Variants in EXOC1 observed in about 807,000 individuals in gnomAD.
EXOC1 encodes the protein exocyst complex component 1.
In EXOC1, 67 loss-of-function variants were observed where a neutral mutation model predicts 107.7. That is an observed-to-expected ratio of 0.62 (90% confidence interval 0.51 to 0.76). The LOEUF is 0.76. Ranked by LOEUF, EXOC1 falls within the 30% of genes least tolerant of loss-of-function variation. The pLI, the probability that EXOC1 is intolerant of heterozygous loss-of-function variation, is 0.00. For missense variants in EXOC1, 833 were observed against 1,055.7 expected (o/e 0.79, Z 2.92); for synonymous variants, 348 against 353.5 (o/e 0.98, Z 0.17).
At chr4:55,891,032 A>G (rs1462738750) in intron 12 of EXOC1, among the ~76,000 whole-genome samples, 2 of 152,170 alleles carry the variant, frequency 1.3e-5, no homozygotes, top group Non-Finnish European at 2.9e-5. Flanking sequence ...CTGGCCATAA[A>G]TAAGTTTTAA....
intron 9 of EXOC1, among the ~76,000 whole-genome samples, chr4:55,880,239 A>C (rs1252185918): frequency 1.3e-5 from 2 of 152,094 alleles, no homozygotes; most frequent in African/African-American, 4.8e-5. Flanking sequence ...AAACTGAGAT[A>C]ATAAGAAAAG....
At chr4:55,897,284 G>C (rs1725344868) in intron 16 of EXOC1, among the ~76,000 whole-genome samples, 1 of 151,840 alleles carries the variant, frequency 6.6e-6, no homozygotes, top group Non-Finnish European at 1.5e-5. Context: ...ACCCTACCAT[G>C]CCCTGCTAAT....
At chr4:55,879,768 C>T (rs1413028127) in intron 9 of EXOC1, among the ~76,000 whole-genome samples, 1 of 152,116 alleles carries the variant, frequency 6.6e-6, no homozygotes, top group Non-Finnish European at 1.5e-5. Flanking sequence ...CTAGATAGTC[C>T]TGGCTGAAGA....
intron 17 of EXOC1, among the ~76,000 whole-genome samples, chr4:55,901,809 C>T (rs1365780538): frequency 6.6e-6 from 1 of 152,130 alleles, no homozygotes; most frequent in East Asian, 1.9e-4. Context: ...TGTATATATA[C>T]TGAAGAATCT....
chr4:55,900,623 C>T (rs1198100691), intron 17 of EXOC1: 1 of 152,200 alleles, frequency 6.6e-6, no homozygotes, highest in Non-Finnish European at 1.5e-5. Flanking sequence ...CACCTGTAAT[C>T]CCAGCACTTT....
At chr4:55,900,968 T>G (rs1725830747) in intron 17 of EXOC1, among the ~76,000 whole-genome samples, 1 of 152,226 alleles carries the variant, frequency 6.6e-6, no homozygotes, top group Non-Finnish European at 1.5e-5. Context: ...AACTAATTCC[T>G]TATAAAACTT....
At chr4:55,864,197 A>G in intron 3 of EXOC1, 30 bp from the exon 4 acceptor site, 1 of 1,386,110 alleles carries the variant, frequency 7.2e-7, no homozygotes, top group Non-Finnish European at 9.8e-7. Flanking sequence ...TGTGATCAAA[A>G]ATAATATCTT....
At chr4:55,889,632 A>G (rs1724287910) in intron 11 of EXOC1, among the ~76,000 whole-genome samples, 1 of 152,340 alleles carries the variant, frequency 6.6e-6, no homozygotes, top group South Asian at 2.1e-4. Flanking sequence ...AAAGGACTAT[A>G]ATCAGTTCAC....
At chr4:55,868,674 T>A (rs1052490192) in intron 5 of EXOC1, 151 bp downstream of exon 5, 1 of 550,692 alleles carries the variant, frequency 1.8e-6, no homozygotes, top group African/African-American at 1.9e-5. Context: ...CATCAGTCTT[T>A]TACTGTTCTT....
intron 8 of EXOC1, among the ~76,000 whole-genome samples, chr4:55,874,688 A>G (rs768983560): frequency 5.9e-5 from 9 of 152,170 alleles, no homozygotes; most frequent in African/African-American, 1.4e-4. Flanking sequence ...GTAATGTTAC[A>G]TAAAGAGTAG....
chr4:55,899,931 ACATAAGTTTG>A (rs1560366422), intron 17 of EXOC1, 47 bp downstream of exon 17: 1 of 1,503,964 alleles, frequency 6.6e-7, no homozygotes. Flanking sequence ...GAACCTATAC[ACATAAGTTTG>A]CATATGAATA....
intron 13 of EXOC1, among the ~76,000 whole-genome samples, chr4:55,891,954 C>T (rs1724606814): frequency 6.6e-6 from 1 of 152,166 alleles, no homozygotes; most frequent in Non-Finnish European, 1.5e-5. Flanking sequence ...GCCTATTCAG[C>T]ATGCCTTTCT....
At chr4:55,859,824 A>T (rs1459927932) in intron 2 of EXOC1, among the ~76,000 whole-genome samples, 1 of 152,164 alleles carries the variant, frequency 6.6e-6, no homozygotes, top group African/African-American at 2.4e-5. Context: ...TTGTTAGTGT[A>T]GTATATAATT....
intron 10 of EXOC1, among the ~76,000 whole-genome samples, chr4:55,884,744 A>G (rs941640826): frequency 1.3e-5 from 2 of 152,310 alleles, no homozygotes; most frequent in Admixed American, 6.5e-5. Flanking sequence ...TAGAATAATG[A>G]GTTTAGCATT....
chr4:55,878,286 G>A (rs1438101575), intron 9 of EXOC1, among the ~76,000 whole-genome samples: 1 of 152,158 alleles, frequency 6.6e-6, no homozygotes, highest in African/African-American at 2.4e-5. Flanking sequence ...AAGCCATACT[G>A]TAGCCTAAAG....
At chr4:55,901,308 T>TA (rs984523245) in intron 17 of EXOC1, among the ~76,000 whole-genome samples, 1 of 152,180 alleles carries the variant, frequency 6.6e-6, no homozygotes, top group African/African-American at 2.4e-5. Context: ...AGAGCTTATG[T>TA]AAAAACAAAA....
chr4:55,896,975 G>C, intron 16 of EXOC1, 75 bp downstream of exon 16: 1 of 1,226,712 alleles, frequency 8.2e-7, no homozygotes, highest in Non-Finnish European at 1.1e-6. Context: ...ATCGGGAGCA[G>C]ATAGGTTCAT....
intron 13 of EXOC1, 135 bp downstream of exon 13, chr4:55,891,557 G>A: frequency 3.3e-6 from 2 of 607,374 alleles, no homozygotes; most frequent in Non-Finnish European, 5.6e-6. Context: ...TATGATGTAA[G>A]GATTTAGGAT....
intron 18 of EXOC1, among the ~76,000 whole-genome samples, chr4:55,903,161 A>AAAAG (rs869065975): frequency 2.4e-3 from 210 of 87,388 alleles, no homozygotes; most frequent in African/African-American, 7.1e-3. Flanking sequence ...AAAAAAAAAA[A>AAAAG]AAAGAAAGAA....
Sources: allele counts gnomAD v4.1 joint callset (sites outside exome capture counted in the v4.1 genomes callset), GRCh38; gene constraint gnomAD v4.1.1; transcripts MANE v1.5; gene names NCBI Gene and HGNC (gene_info 2026-07-23, HGNC 2026-07-21).